The following ZKSCAN8 variants were observed in gnomAD, a reference collection of about 807,000 sequenced individuals.
ZKSCAN8 encodes the protein zinc finger with KRAB and SCAN domains 8.
In ZKSCAN8, 27 loss-of-function variants were observed where a neutral mutation model predicts 57.2. The observed-to-expected ratio is 0.47, with a 90% CI of 0.35 to 0.65. The LOEUF (loss-of-function observed/expected upper bound fraction) is 0.65. Ranked by LOEUF, ZKSCAN8 falls within the 30% of genes least tolerant of loss-of-function variation. The pLI is 0.01. For missense variants in ZKSCAN8, 597 were observed against 696.3 expected, an observed-to-expected ratio of 0.86 and a Z score of 1.60; for synonymous variants, 214 against 248.7, an observed-to-expected ratio of 0.86 and a Z score of 1.31.
At chr6:28,146,896 A>G (rs1283809107) in intron 1 of ZKSCAN8, among the ~76,000 whole-genome samples, 1 of 152,208 alleles carries the variant, frequency 6.6e-6, no homozygotes, top group African/African-American at 2.4e-5. Context: ...CTCCATCCAT[A>G]CCTCAAATTC....
chr6:28,147,982 GGGTTAAA>G (rs1765454252), intron 1 of ZKSCAN8, among the ~76,000 whole-genome samples: 1 of 152,142 alleles, frequency 6.6e-6, no homozygotes, highest in African/African-American at 2.4e-5. Context: ...AGACTAAAAG[GGGTTAAA>G]TGAGCAGCCC....
At position 28,158,003 on chromosome 6, in the gene ZKSCAN8, C is replaced by T. The variant is rs758609159; in HGVS notation, c.*3986C>T. ...TTTTTCAAACATATCTTTGATTTTTCAACCCCCCTTTTTCATTAATCTGTT... is the reference window on the plus strand; with the variant it reads ...TTTTTCAAACATATCTTTGATTTTTTAACCCCCCTTTTTCATTAATCTGTT... On this transcript the variant is annotated 3_prime_UTR_variant, in exon 6 of 6. Transcript: ENST00000330236. 2 of 152,068 alleles carry T rather than the reference C, an allele frequency of 1.3e-5. No homozygotes were observed. The highest frequency in any genetic ancestry group is 2.9e-5 in the Non-Finnish European group (2 of 68,010). 9.4% of individuals were successfully genotyped at this position (152,068 alleles called of 1,614,324 possible). A position where few individuals can be genotyped will look rare whatever the true frequency, so the allele number is the denominator to read the frequency against.
intron 3 of ZKSCAN8, among the ~76,000 whole-genome samples, chr6:28,151,320 A>C (rs1247361042): frequency 6.6e-6 from 1 of 152,196 alleles, no homozygotes; most frequent in East Asian, 1.9e-4. Context: ...TAATATTTCT[A>C]AAGAAGCATT....
chr6:28,148,257 C>G (rs754955132), intron 1 of ZKSCAN8, 59 bp from the exon 2 acceptor site: 4 of 769,992 alleles, frequency 5.2e-6, no homozygotes, highest in Non-Finnish European at 8.0e-6. Flanking sequence ...GTTAAGATAC[C>G]ATAGTTAGTT....
rs1765478515 is a variant in ZKSCAN8 at position 28,148,488 on chromosome 6, A to G, written c.81A>G (p.Val27=). ...AAGAGGATCTTGTAATCGTCAAGGT[A>G]GAGGAGGATCATGGTTGGGACCAGG... ...TPEEDLVIVK[V]EEDHGWDQES... is the part of the protein sequence containing the mutation. The change falls in exon 2 of 6, where the codon GTA becomes GTG. Residue 27 remains valine, a synonymous_variant. Coordinates refer to ENST00000330236, the MANE Select transcript of ZKSCAN8 (RefSeq NM_006298.4). 2 of 1,614,174 alleles carry G rather than the reference A, an allele frequency of 1.2e-6. No individual in the cohort carries two copies. Among genetic ancestry groups the G allele is most frequent in the Non-Finnish European group, 1.7e-6 (2 of 1,180,028 alleles).
chr6:28,153,051 T>G lies in ZKSCAN8; in HGVS notation c.776-5T>G. 6.2e-7 allele frequency: 1 copy of G among 1,611,892 alleles called. No homozygotes were observed. The highest frequency in any genetic ancestry group is 8.5e-7 in the Non-Finnish European group (1 of 1,178,510). The stretch of plus-strand genomic sequence containing the variant: ...TGATGTTTGTTTATTACATTTTTAT[T>G]TCAGGTGGTGAGACCAGGAGTGAGA... On this transcript the variant is annotated splice_region_variant and splice_polypyrimidine_tract_variant and intron_variant, in intron 5 of 5. Coordinates refer to ENST00000330236, the MANE Select transcript of ZKSCAN8 (RefSeq NM_006298.4).
rs1016775655 is a variant in ZKSCAN8, at chr6:28,144,598, A to C, written c.-93+2569A>C. ...TCTTTGAAATACAAAGATAATGGTCACCTCTGTCAACAAACATTTGCAATA... is the reference window on the plus strand; with the variant it reads ...TCTTTGAAATACAAAGATAATGGTCCCCTCTGTCAACAAACATTTGCAATA... On this transcript the variant is annotated intron_variant, in intron 1 of 5. Transcript: ENST00000330236. This position sits in a 1 kb window ranked among gnomAD's most constrained non-coding sequence, Gnocchi z 4.5. 2.0e-5 allele frequency among the ~76,000 whole-genome samples: 3 copies of C among 152,190 alleles called. No homozygotes were observed. Among genetic ancestry groups the C allele is most frequent in the Non-Finnish European group, 4.4e-5 (3 of 68,024 alleles).
chr6:28,148,149 A>G (rs1765462560), intron 1 of ZKSCAN8, among the ~76,000 whole-genome samples, 167 bp from the exon 2 acceptor site: 1 of 152,192 alleles, frequency 6.6e-6, no homozygotes, highest in South Asian at 2.1e-4. Flanking sequence ...CATGGCTGGC[A>G]TGACAGAAAG....
chr6:28,148,381 C>T lies in ZKSCAN8; in HGVS notation c.-27C>T, dbSNP rs756612582. 47 of 1,588,448 alleles carry T rather than the reference C, an allele frequency of 3.0e-5. No individual in the cohort carries two copies. Among genetic ancestry groups the T allele is most frequent in the Non-Finnish European group, 3.7e-5 (43 of 1,167,128 alleles). The stretch of plus-strand genomic sequence containing the variant: ...AAGAAGATAAAGAAGGTAGTGGAAA[C>T]GAACTTCCTGAGCTTTTCAGGCTCT... On this transcript the variant is annotated 5_prime_UTR_variant, in exon 2 of 6. It adds an upstream start codon to the 5' untranslated region. Coordinates refer to ENST00000330236, the MANE Select transcript of ZKSCAN8 (RefSeq NM_006298.4).
chr6:28,152,748 T>C (rs907876719), intron 5 of ZKSCAN8, among the ~76,000 whole-genome samples: 1 of 152,336 alleles, frequency 6.6e-6, no homozygotes. Flanking sequence ...ATTTCTGTCC[T>C]GCTCATTAGT....
chr6:28,159,137 C>G lies in ZKSCAN8; in HGVS notation c.*5120C>G, dbSNP rs1023955950. On this transcript the variant is annotated 3_prime_UTR_variant, in exon 6 of 6. Transcript: ENST00000330236. ...GGTCCCAGCTCATGTTCATCACTCC[C>G]TTCAAAGCCTTTCTTCCTTTATATC... The G allele has an allele frequency of 6.6e-6, 1 of 152,248 alleles. No individual in the cohort carries two copies. The highest frequency in any genetic ancestry group is 1.5e-5 in the Non-Finnish European group (1 of 68,072). The allele number at this position is 152,248 out of a possible 1,614,324, so 9.4% of individuals were successfully genotyped here.
Position 28,152,301 on chromosome 6 carries a change from G to C in ZKSCAN8, c.692G>C (p.Arg231Pro). Residue 231 changes from arginine (R) to proline (P), a missense_variant, in exon 5 of 6, where the codon CGA (arginine) becomes CCA (proline). Arg to Pro is a moderately radical substitution (Grantham distance 103, BLOSUM62 -2). Coordinates refer to ENST00000330236, the MANE Select transcript of ZKSCAN8 (RefSeq NM_006298.4). Reference sequence around the variant, plus strand: ...GAAGACATGGCTGTGTCCCTTATTCGAGAGGAGTGGCTTCTTGATCCATCA... The same window carrying C: ...GAAGACATGGCTGTGTCCCTTATTCCAGAGGAGTGGCTTCTTGATCCATCA... ...KIEDMAVSLI[R>P]EEWLLDPSQK... 3 of 1,612,942 alleles carry C rather than the reference G, an allele frequency of 1.9e-6. No homozygotes were observed. The highest frequency in any genetic ancestry group is 2.5e-6 in the Non-Finnish European group (3 of 1,179,690).
intron 3 of ZKSCAN8, among the ~76,000 whole-genome samples, chr6:28,150,399 G>T (rs1315012246): frequency 6.6e-6 from 1 of 152,126 alleles, no homozygotes; most frequent in African/African-American, 2.4e-5. Context: ...AAGAGATGTT[G>T]TACTCCTTCT....
intron 1 of ZKSCAN8, among the ~76,000 whole-genome samples, chr6:28,145,950 T>A (rs1354269768): frequency 6.6e-6 from 1 of 152,220 alleles, no homozygotes; most frequent in African/African-American, 2.4e-5. Flanking sequence ...CATATCTTTT[T>A]GAGGGACACA....
Position 28,152,848 on chromosome 6 carries a change from C to G in ZKSCAN8, c.776-208C>G, listed in dbSNP as rs192021578. 3.7e-3 allele frequency among the ~76,000 whole-genome samples: 560 copies of G among 152,242 alleles called. 7 individuals carry two copies. Among genetic ancestry groups the G allele is most frequent in the Admixed American group, 0.011 (175 of 15,292 alleles). On this transcript the variant is annotated intron_variant, in intron 5 of 5. Transcript: ENST00000330236. ...TTTAGTTCCCCTTCCAATTAACTCT[C>G]TTTTTTTAATGGTACCTCTTTCCCA...
intron 1 of ZKSCAN8, among the ~76,000 whole-genome samples, chr6:28,143,271 C>T (rs1265523845): frequency 6.6e-6 from 1 of 152,086 alleles, no homozygotes; most frequent in Non-Finnish European, 1.5e-5. Context: ...CAAAAACCAG[C>T]TGATCAGAGA....
At chr6:28,149,452 T>C in intron 2 of ZKSCAN8, 31 bp from the exon 3 acceptor site, 1 of 1,611,816 alleles carries the variant, frequency 6.2e-7, no homozygotes, top group East Asian at 2.2e-5. Flanking sequence ...GCAAAGGGAT[T>C]CCTTATTATC....
Position 28,153,989 on chromosome 6 carries a change from G to C in ZKSCAN8, c.1709G>C (p.Gly570Ala). Residue 570 changes from glycine (G) to alanine (A), a missense_variant, in exon 6 of 6, where the codon GGT (glycine) becomes GCT (alanine). Physicochemically the swap from Gly to Ala is moderately conservative, Grantham distance 60. Transcript: ENST00000330236. ...ATTCGACATCAGAGAATCCACAGTG[G>C]TGAAAAATCTGAATCCATAAGCGTT... ...SLIRHQRIHS[G>A]EKSESISV The C allele has an allele frequency of 6.2e-7, 1 of 1,603,966 alleles. No individual in the cohort carries two copies. The highest frequency in any genetic ancestry group is 8.5e-7 in the Non-Finnish European group (1 of 1,176,204).
rs1765706977 is a variant in ZKSCAN8 at position 28,154,203 on chromosome 6, C to T, written c.*186C>T. Reference sequence around the variant, plus strand: ...CAGTGCCTTGGTGAAGGTTGATTAGCTTGACTGTCTTTGAAAGTATCTGAT... The same window carrying T: ...CAGTGCCTTGGTGAAGGTTGATTAGTTTGACTGTCTTTGAAAGTATCTGAT... On this transcript the variant is annotated 3_prime_UTR_variant, in exon 6 of 6. Transcript: ENST00000330236. 2.7e-6 allele frequency: 2 copies of T among 734,388 alleles called. No homozygotes were observed. Among genetic ancestry groups the T allele is most frequent in the East Asian group, 5.6e-5 (2 of 35,906 alleles). 45.5% of individuals were successfully genotyped at this position (734,388 alleles called of 1,614,324 possible).
Sources: gnomAD v4.1 joint callset for allele counts (sites outside exome capture counted in the v4.1 genomes callset) on GRCh38, gnomAD v4.1.1 for gene constraint, Gnocchi (gnomAD v3.1) non-coding constraint, MANE v1.5 for transcripts, NCBI Gene and HGNC (gene_info 2026-07-23, HGNC 2026-07-21) for gene names.